The following EYA2 variants were observed in gnomAD, a reference collection of about 807,000 sequenced individuals.
EYA2 encodes protein phosphatase EYA2.
Under a neutral mutation model 69.2 loss-of-function variants are expected in EYA2, and 31 were observed. That is an observed-to-expected ratio of 0.45 (90% confidence interval 0.34 to 0.60). The LOEUF (loss-of-function observed/expected upper bound fraction) is 0.60. Ranked by LOEUF, EYA2 falls within the 20% of genes least tolerant of loss-of-function variation. EYA2 has a pLI of 0.02. For missense variants in EYA2, 622 were observed against 701.2 expected (o/e 0.89, Z 1.28); for synonymous variants, 257 against 279.4 (o/e 0.92, Z 0.80).
chr20:47,032,856 TGA>T, intron 5 of EYA2, among the ~76,000 whole-genome samples: 1 of 152,384 alleles, frequency 6.6e-6, no homozygotes, highest in East Asian at 1.9e-4. Context: ...CCATTCCCCT[TGA>T]AATGGACAAA....
chr20:47,127,375 G>A (rs1050936618), intron 9 of EYA2, among the ~76,000 whole-genome samples: 3 of 152,106 alleles, frequency 2.0e-5, no homozygotes, highest in African/African-American at 2.4e-5. Flanking sequence ...AGGCCGAGGC[G>A]AGAGGATCAC....
At chr20:46,960,632 C>G (rs184619223) in intron 1 of EYA2, among the ~76,000 whole-genome samples, 31 of 152,278 alleles carry the variant, frequency 2.0e-4, no homozygotes, top group Middle Eastern at 3.4e-3. Flanking sequence ...TAGGCCAAAT[C>G]CAATCCACTG....
intron 2 of EYA2, 148 bp from the exon 3 acceptor site, chr20:47,001,280 G>A (rs1982350066): frequency 2.8e-6 from 2 of 708,164 alleles, no homozygotes; most frequent in African/African-American, 3.5e-5. Flanking sequence ...CTGAGATGTG[G>A]CGCCTCAGAT....
intron 1 of EYA2, among the ~76,000 whole-genome samples, chr20:46,973,433 T>A (rs1316669774): frequency 1.3e-5 from 2 of 152,210 alleles, no homozygotes; most frequent in African/African-American, 4.8e-5. Flanking sequence ...CAATCCACCC[T>A]TACAAAGGCA....
intron 7 of EYA2, among the ~76,000 whole-genome samples, chr20:47,075,334 A>T (rs902738093): frequency 6.6e-6 from 1 of 152,220 alleles, no homozygotes; most frequent in Non-Finnish European, 1.5e-5. Flanking sequence ...ACAAACTGTG[A>T]TAAGGAGAGG....
At chr20:47,102,130 C>A (rs1271518342) in intron 9 of EYA2, among the ~76,000 whole-genome samples, 1 of 152,194 alleles carries the variant, frequency 6.6e-6, no homozygotes, top group Non-Finnish European at 1.5e-5. Flanking sequence ...AGCCAATTTT[C>A]TCCATGTGGT....
intron 2 of EYA2, among the ~76,000 whole-genome samples, chr20:46,997,012 A>G (rs1600623422): frequency 6.6e-6 from 1 of 152,260 alleles, no homozygotes; most frequent in East Asian, 1.9e-4. Context: ...GAAGCTCTTT[A>G]CCTGTGGAGG....
intron 1 of EYA2, among the ~76,000 whole-genome samples, chr20:46,916,513 T>C (rs1984913433): frequency 6.6e-6 from 1 of 152,036 alleles, no homozygotes; most frequent in African/African-American, 2.4e-5. Flanking sequence ...GTGTGATGGG[T>C]TCTTGATTTA....
intron 9 of EYA2, among the ~76,000 whole-genome samples, chr20:47,123,777 G>A (rs1248217067): frequency 6.6e-6 from 1 of 152,106 alleles, no homozygotes; most frequent in African/African-American, 2.4e-5. Context: ...GATCACTTGA[G>A]GTCAAGAGTT....
At chr20:47,020,481 A>G (rs945838209) in intron 5 of EYA2, among the ~76,000 whole-genome samples, 5 of 152,096 alleles carry the variant, frequency 3.3e-5, no homozygotes, top group Non-Finnish European at 5.9e-5. Context: ...TTTTAAGTTC[A>G]CCCTGGGGTT....
chr20:46,900,288 G>A (rs545137996), intron 1 of EYA2, among the ~76,000 whole-genome samples: 2 of 152,276 alleles, frequency 1.3e-5, no homozygotes, highest in African/African-American at 4.8e-5. Flanking sequence ...TACTGTATAT[G>A]GCAACTTACT....
At chr20:47,111,975 A>T (rs1231100100) in intron 9 of EYA2, among the ~76,000 whole-genome samples, 16 of 151,338 alleles carry the variant, frequency 1.1e-4, no homozygotes, top group African/African-American at 3.2e-4. Context: ...ACAAAAAAAA[A>T]TTTTTTTTTC....
intron 12 of EYA2, among the ~76,000 whole-genome samples, chr20:47,178,335 CA>C (rs11482454): frequency 1.3e-3 from 156 of 122,336 alleles, no homozygotes; most frequent in Middle Eastern, 4.2e-3. Context: ...GATCTTGTCT[CA>C]AAAAAAAAAA....
chr20:47,046,017 C>G (rs1375895333), intron 5 of EYA2, among the ~76,000 whole-genome samples: 1 of 152,128 alleles, frequency 6.6e-6, no homozygotes, highest in Admixed American at 6.6e-5. Context: ...ATATCATAGA[C>G]TGGGTAGCTT....
intron 5 of EYA2, among the ~76,000 whole-genome samples, chr20:47,044,384 G>A (rs951197946): frequency 4.6e-5 from 7 of 152,136 alleles, no homozygotes; most frequent in East Asian, 1.9e-4. Flanking sequence ...AGATGCATCT[G>A]TGGACAAAGT....
At chr20:47,036,759 C>G (rs967276088) in intron 5 of EYA2, among the ~76,000 whole-genome samples, 2 of 152,140 alleles carry the variant, frequency 1.3e-5, no homozygotes, top group African/African-American at 4.8e-5. Context: ...CACACACCAC[C>G]TATGTCACCT....
At chr20:46,996,625 A>T (rs1982037465) in intron 2 of EYA2, among the ~76,000 whole-genome samples, 2 of 152,182 alleles carry the variant, frequency 1.3e-5, no homozygotes, top group African/African-American at 4.8e-5. Flanking sequence ...ACTAGACAGG[A>T]GGCTTCGGGT....
intron 10 of EYA2, among the ~76,000 whole-genome samples, chr20:47,166,393 T>TTAAAAAAAAAAAAAAAAAA (rs1555806208): frequency 2.9e-5 from 1 of 34,478 alleles, no homozygotes. Flanking sequence ...CAAGACTGTC[T>TTAAAAAAAAAAAAAAAAAA]AAAAAAAAAA....
At chr20:47,052,453 CTG>C (rs2030389061) in intron 5 of EYA2, among the ~76,000 whole-genome samples, 4 of 152,316 alleles carry the variant, frequency 2.6e-5, no homozygotes, top group Admixed American at 2.6e-4. Flanking sequence ...CCTTCAGAGT[CTG>C]TGAACGGATT....
Sources: gnomAD v4.1 joint callset for allele counts (sites outside exome capture counted in the v4.1 genomes callset) on GRCh38, gnomAD v4.1.1 for gene constraint, MANE v1.5 for transcripts, NCBI Gene and HGNC (gene_info 2026-07-23, HGNC 2026-07-21) for gene names.